Variants in TNR observed in about 807,000 individuals in gnomAD.
TNR encodes tenascin R, also known as tenascin-R.
Under a neutral mutation model 150.4 loss-of-function variants are expected in TNR, and 45 were observed. That is an observed-to-expected ratio of 0.30 (90% CI 0.24 to 0.38). TNR has a LOEUF of 0.38. TNR is among the 10% of genes least tolerant of loss of function. The pLI is 1.00. For synonymous variants in TNR, 687 were observed against 678.4 expected (o/e 1.01, Z -0.20); for missense variants, 1,544 against 1,759.1 (o/e 0.88, Z 2.19).
intron 1 of TNR, among the ~76,000 whole-genome samples, chr1:175,659,878 A>T (rs906475750): frequency 6.8e-6 from 1 of 146,682 alleles, no homozygotes. Context: ...GGACTTTTAC[A>T]TGAAGTCCTT....
intron 2 of TNR, among the ~76,000 whole-genome samples, chr1:175,417,015 G>GAA: frequency 1.2e-5 from 1 of 82,734 alleles, no homozygotes; most frequent in Admixed American, 1.4e-4. Flanking sequence ...CTCAAAAAAA[G>GAA]AAAGAAAGAA....
intron 1 of TNR, among the ~76,000 whole-genome samples, chr1:175,567,158 T>C (rs1472395607): frequency 6.6e-6 from 1 of 152,128 alleles, no homozygotes; most frequent in African/African-American, 2.4e-5. Flanking sequence ...AGACCTCAGA[T>C]CTCCTAAAAA....
chr1:175,729,208 A>C (rs1294219033), intron 1 of TNR, among the ~76,000 whole-genome samples: 1 of 152,086 alleles, frequency 6.6e-6, no homozygotes, highest in Admixed American at 6.5e-5. Flanking sequence ...TTAGGTGCTC[A>C]GCCACAGTAT....
chr1:175,597,045 A>G (rs182243801), intron 1 of TNR, among the ~76,000 whole-genome samples: 301 of 152,312 alleles, frequency 2.0e-3, no homozygotes, highest in African/African-American at 6.9e-3. Flanking sequence ...GCTTTTAACT[A>G]CAGTTAATGC....
chr1:175,415,831 C>A (rs973426696), intron 2 of TNR, among the ~76,000 whole-genome samples: 8 of 151,146 alleles, frequency 5.3e-5, no homozygotes, highest in African/African-American at 1.7e-4. Context: ...ATGAAAATAT[C>A]ATGATTGGAA....
intron 1 of TNR, among the ~76,000 whole-genome samples, chr1:175,680,881 A>C (rs1666014171): frequency 6.6e-6 from 1 of 152,226 alleles, no homozygotes; most frequent in South Asian, 2.1e-4. Context: ...CTCTGGACCA[A>C]GACTGTCTGG....
At chr1:175,556,077 C>T (rs1196859677) in intron 1 of TNR, among the ~76,000 whole-genome samples, 1 of 152,208 alleles carries the variant, frequency 6.6e-6, no homozygotes, top group Non-Finnish European at 1.5e-5. Context: ...TTCCTGGGCC[C>T]CTCTGCAAAT....
chr1:175,431,592 A>AGGAAAG (rs1450238102), intron 2 of TNR, among the ~76,000 whole-genome samples: 1 of 151,536 alleles, frequency 6.6e-6, no homozygotes, highest in East Asian at 1.9e-4. Context: ...TGGAGTGGGC[A>AGGAAAG]CCATTTCTCC....
chr1:175,600,936 T>A (rs1376837236), intron 1 of TNR, among the ~76,000 whole-genome samples: 1 of 152,146 alleles, frequency 6.6e-6, no homozygotes, highest in Non-Finnish European at 1.5e-5. Flanking sequence ...GAAAAAAAAA[T>A]TTGCATTTCC....
chr1:175,581,251 G>A (rs1210728617), intron 1 of TNR, among the ~76,000 whole-genome samples: 1 of 152,182 alleles, frequency 6.6e-6, no homozygotes, highest in Non-Finnish European at 1.5e-5. Flanking sequence ...TTCCTCCAGA[G>A]CAGGGGTTGC....
chr1:175,545,402 G>C (rs1041825729), intron 1 of TNR, among the ~76,000 whole-genome samples: 1 of 119,370 alleles, frequency 8.4e-6, no homozygotes, highest in Admixed American at 9.7e-5. Context: ...ACTGTGAAAA[G>C]AAAGAAATAT....
At chr1:175,515,968 A>G (rs904551340) in intron 2 of TNR, among the ~76,000 whole-genome samples, 90 of 152,366 alleles carry the variant, frequency 5.9e-4, no homozygotes, top group Admixed American at 1.6e-3. Context: ...GGTGGCTGCA[A>G]TATGTTCTTT....
chr1:175,735,008 A>G (rs1571803602), intron 1 of TNR, among the ~76,000 whole-genome samples: 1 of 152,240 alleles, frequency 6.6e-6, no homozygotes, highest in Non-Finnish European at 1.5e-5. Flanking sequence ...TATCTCTATA[A>G]ATATATACGG....
intron 1 of TNR, among the ~76,000 whole-genome samples, chr1:175,616,091 T>C (rs1663764661): frequency 6.6e-6 from 1 of 152,218 alleles, no homozygotes; most frequent in African/African-American, 2.4e-5. Context: ...ACAAACCATC[T>C]ACCAGGAGAT....
intron 18 of TNR, among the ~76,000 whole-genome samples, chr1:175,343,017 A>G (rs959449013): frequency 2.6e-5 from 4 of 152,126 alleles, no homozygotes; most frequent in Admixed American, 2.0e-4. Flanking sequence ...CTGGGTCCTG[A>G]TGACACTTCC....
At position 175,354,264 on chromosome 1, in the gene TNR, A is replaced by G. The variant is rs1488451464; in HGVS notation, c.3382+127T>C. Reference sequence around the variant, plus strand: ...TTCCTGGTAGGGGCTTGGACAGGGGAAAAGAAGGAGGAGGCAACTGAGCTT... The same window carrying G: ...TTCCTGGTAGGGGCTTGGACAGGGGGAAAGAAGGAGGAGGCAACTGAGCTT... On this transcript the variant is annotated intron_variant, in intron 18 of 22. Coordinates refer to ENST00000367674, the MANE Select transcript of TNR (RefSeq NM_003285.3). 8 of 1,281,802 alleles carry G rather than the reference A, an allele frequency of 6.2e-6. No individual in the cohort carries two copies. In the East Asian group the frequency reaches 2.0e-4, roughly 33 times the overall value. 79.4% of individuals were successfully genotyped at this position (1,281,802 alleles called of 1,614,324 possible).
intron 2 of TNR, among the ~76,000 whole-genome samples, chr1:175,508,807 A>G (rs148841884): frequency 6.6e-6 from 1 of 152,362 alleles, no homozygotes; most frequent in African/African-American, 2.4e-5. Context: ...TGAAGCACTG[A>G]ATGATTGTTG....
At chr1:175,428,392 G>T (rs1655108814) in intron 2 of TNR, among the ~76,000 whole-genome samples, 1 of 152,142 alleles carries the variant, frequency 6.6e-6, no homozygotes, top group Non-Finnish European at 1.5e-5. Flanking sequence ...ACTATGGCTG[G>T]GTTTCAAATC....
At position 175,318,875 on chromosome 1, in the gene TNR, T is replaced by G. The variant is rs1648913556; in HGVS notation, c.*4482A>C. 6.6e-6 allele frequency: 1 copy of G among 152,186 alleles called. No homozygotes were observed. The highest frequency in any genetic ancestry group is 2.4e-5 in the African/African-American group (1 of 41,422). The allele number at this position is 152,186 out of a possible 1,614,324, so 9.4% of individuals were successfully genotyped here. ...CCCCATTCCTCTGAGGTCCTGAGACTCCTCCTGCAGCCGTGGCAAGTTTGA... is the reference window on the plus strand; with the variant it reads ...CCCCATTCCTCTGAGGTCCTGAGACGCCTCCTGCAGCCGTGGCAAGTTTGA... On this transcript the variant is annotated 3_prime_UTR_variant, in exon 23 of 23. Coordinates refer to ENST00000367674, the MANE Select transcript of TNR (RefSeq NM_003285.3).
Sources: allele counts gnomAD v4.1 joint callset (sites outside exome capture counted in the v4.1 genomes callset), GRCh38; gene constraint gnomAD v4.1.1; transcripts MANE v1.5; gene names NCBI Gene and HGNC (gene_info 2026-07-23, HGNC 2026-07-21).